Variants in SLC14A2 observed in about 807,000 individuals in gnomAD.
The protein encoded by SLC14A2 is solute carrier family 14 member 2, also known as urea transporter 2.
A neutral mutation model predicts 104.6 loss-of-function variants in SLC14A2; 91 were observed. The observed-to-expected ratio is 0.87, with a 90% CI of 0.73 to 1.04. The LOEUF (loss-of-function observed/expected upper bound fraction) is 1.04. Ranked by LOEUF, SLC14A2 falls within the 50% of genes least tolerant of loss-of-function variation. The probability of loss-of-function intolerance (pLI) is 0.00; values close to 1 mark genes in which losing one functional copy is unlikely to be tolerated. For synonymous variants in SLC14A2, 476 were observed against 466.4 expected (o/e 1.02, Z -0.27); for missense variants, 1,189 against 1,156.0 (o/e 1.03, Z -0.41).
chr18:45,405,220 A>C (rs539535615), intron 1 of SLC14A2, among the ~76,000 whole-genome samples: 1 of 152,206 alleles, frequency 6.6e-6, no homozygotes, highest in Non-Finnish European at 1.5e-5. Flanking sequence ...AACAAAAGAC[A>C]AAAGAAGACT....
chr18:45,308,742 A>G (rs1334575201), intron 1 of SLC14A2, among the ~76,000 whole-genome samples: 3 of 152,160 alleles, frequency 2.0e-5, no homozygotes, highest in Non-Finnish European at 4.4e-5. Context: ...TATAAAGATA[A>G]TTGCTTAACT....
chr18:45,531,800 C>T (rs2043693261), intron 2 of SLC14A2, among the ~76,000 whole-genome samples: 3 of 152,146 alleles, frequency 2.0e-5, no homozygotes, highest in Non-Finnish European at 4.4e-5. Context: ...AATGGTAATG[C>T]CTAGGTTTTC....
chr18:45,257,807 CTT>C (rs2084495316), intron 1 of SLC14A2, among the ~76,000 whole-genome samples: 1 of 152,142 alleles, frequency 6.6e-6, no homozygotes, highest in African/African-American at 2.4e-5. Flanking sequence ...AGTTCAATCT[CTT>C]TAAGGATTTC....
chr18:45,350,898 AT>A (rs1819973313), intron 1 of SLC14A2, among the ~76,000 whole-genome samples: 1 of 152,202 alleles, frequency 6.6e-6, no homozygotes, highest in East Asian at 1.9e-4. Flanking sequence ...GAAGCAAAAA[AT>A]ATAAATTTCA....
At chr18:45,672,694 C>T (rs1014962890) in intron 16 of SLC14A2, among the ~76,000 whole-genome samples, 24 of 152,208 alleles carry the variant, frequency 1.6e-4, no homozygotes, top group Admixed American at 6.5e-5. Flanking sequence ...ACTCAACATC[C>T]TAATCCATCA....
intron 2 of SLC14A2, among the ~76,000 whole-genome samples, chr18:45,544,833 C>G (rs1480460039): frequency 8.1e-6 from 1 of 124,206 alleles, no homozygotes; most frequent in Non-Finnish European, 1.6e-5. Context: ...ATTCTTGTTG[C>G]CCAGGCTGGA....
chr18:45,659,043 G>A (rs1321735924), intron 10 of SLC14A2, among the ~76,000 whole-genome samples: 2 of 152,136 alleles, frequency 1.3e-5, no homozygotes, highest in East Asian at 1.9e-4. Flanking sequence ...TACATGCACC[G>A]GGACACTTAA....
At chr18:45,561,517 G>A (rs928136128) in intron 2 of SLC14A2, among the ~76,000 whole-genome samples, 1 of 152,142 alleles carries the variant, frequency 6.6e-6, no homozygotes, top group African/African-American at 2.4e-5. Flanking sequence ...CAGGAGGAGG[G>A]GCAGCCCGTT....
intron 1 of SLC14A2, among the ~76,000 whole-genome samples, chr18:45,220,748 G>A (rs1329677349): frequency 6.6e-6 from 1 of 152,212 alleles, no homozygotes; most frequent in Non-Finnish European, 1.5e-5. Context: ...ATTTGCTAGA[G>A]CTGCCATAAC....
intron 1 of SLC14A2, among the ~76,000 whole-genome samples, chr18:45,377,973 C>T (rs896736867): frequency 7.2e-5 from 11 of 152,168 alleles, no homozygotes; most frequent in African/African-American, 2.2e-4. Flanking sequence ...TATCTATCTT[C>T]CTTGAAAATC....
Position 45,224,587 on chromosome 18 carries a change from C to T in SLC14A2, c.-125+11396C>T, listed in dbSNP as rs1009527879. Among the ~76,000 whole-genome samples the T allele has an allele frequency of 3.9e-5, 6 of 151,992 alleles. No homozygotes were observed. The East Asian group carries it at 9.6e-4, about 24-fold the overall frequency. On this transcript the variant is annotated intron_variant, in intron 1 of 20. Coordinates refer to the SLC14A2 transcript ENST00000586448. ...GAGTGCTGCAGGATGATAGAACCAC[C>T]TCTAACAGGAAAACCAGTGCTATTT...
chr18:45,434,746 G>T (rs1344711270), intron 1 of SLC14A2, among the ~76,000 whole-genome samples: 1 of 152,138 alleles, frequency 6.6e-6, no homozygotes, highest in South Asian at 2.1e-4. Context: ...ACTGCAATTG[G>T]TTTCTAAAGA....
chr18:45,624,583 C>A, intron 1 of SLC14A2, 48 bp from the exon 2 acceptor site: 1 of 1,460,612 alleles, frequency 6.8e-7, no homozygotes, highest in Non-Finnish European at 9.3e-7. Flanking sequence ...CCAAGTCCCT[C>A]TGGGCCCCGT....
At chr18:45,251,074 T>A (rs1366070725) in intron 1 of SLC14A2, among the ~76,000 whole-genome samples, 1 of 152,208 alleles carries the variant, frequency 6.6e-6, no homozygotes, top group Non-Finnish European at 1.5e-5. Context: ...TTAAAGTATT[T>A]GGTTACATAA....
chr18:45,437,780 G>A (rs956376177), intron 1 of SLC14A2, among the ~76,000 whole-genome samples: 5 of 152,194 alleles, frequency 3.3e-5, no homozygotes, highest in Admixed American at 2.0e-4. Context: ...AAAATCACTT[G>A]TTGTTTCCCA....
chr18:45,441,608 C>T (rs1188757875), intron 1 of SLC14A2, among the ~76,000 whole-genome samples: 1 of 152,232 alleles, frequency 6.6e-6, no homozygotes, highest in East Asian at 1.9e-4. Context: ...TGTTTGTGTG[C>T]ATGCACACGT....
chr18:45,292,428 G>A (rs1696297633), intron 1 of SLC14A2, among the ~76,000 whole-genome samples: 1 of 152,234 alleles, frequency 6.6e-6, no homozygotes. Flanking sequence ...GAAGTCATTA[G>A]CAGTGTGAAA....
At chr18:45,311,660 G>A (rs770031290) in intron 1 of SLC14A2, among the ~76,000 whole-genome samples, 14 of 152,198 alleles carry the variant, frequency 9.2e-5, no homozygotes, top group Non-Finnish European at 1.8e-4. Flanking sequence ...AAACTCCTTC[G>A]GTAATTCTGA....
chr18:45,413,963 GA>G (rs1443931611), intron 1 of SLC14A2, among the ~76,000 whole-genome samples: 3 of 151,768 alleles, frequency 2.0e-5, no homozygotes, highest in African/African-American at 7.3e-5. Flanking sequence ...AAAAAAAAAA[GA>G]AAATCACGTG....
Sources: gnomAD v4.1 joint callset for allele counts (sites outside exome capture counted in the v4.1 genomes callset) on GRCh38, gnomAD v4.1.1 for gene constraint, MANE v1.5 for transcripts, NCBI Gene and HGNC (gene_info 2026-07-23, HGNC 2026-07-21) for gene names.